Variants in RAB2A observed in about 807,000 individuals in gnomAD.
RAB2A encodes RAB2A, member RAS oncogene family.
Under a neutral mutation model 32.5 loss-of-function variants are expected in RAB2A, and 7 were observed. The ratio of observed to expected loss-of-function variants is 0.22; its 90% CI spans 0.12 to 0.40. The LOEUF (loss-of-function observed/expected upper bound fraction) is 0.40. Among genes scored for constraint, RAB2A ranks in the 10% least tolerant of loss-of-function variants. RAB2A has a pLI of 1.00. For synonymous variants in RAB2A, 79 were observed against 85.2 expected (o/e 0.93, Z 0.40); for missense variants, 108 against 260.7 (o/e 0.41, Z 4.03).
chr8:60,610,149 A>G (rs995267877), intron 6 of RAB2A, among the ~76,000 whole-genome samples: 6 of 152,094 alleles, frequency 3.9e-5, no homozygotes, highest in Non-Finnish European at 8.8e-5. Context: ...ATGCTGCTGA[A>G]GTATTTATGC....
intron 6 of RAB2A, among the ~76,000 whole-genome samples, chr8:60,598,190 T>C (rs1222135930): frequency 6.6e-6 from 1 of 152,164 alleles, no homozygotes; most frequent in African/African-American, 2.4e-5. Context: ...AGAGTGAAAC[T>C]ACGTCTCACA....
chr8:60,565,907 G>T (rs1342092495), intron 2 of RAB2A, among the ~76,000 whole-genome samples: 1 of 151,614 alleles, frequency 6.6e-6, no homozygotes, highest in Admixed American at 6.6e-5. Context: ...TAGAGATGGG[G>T]TTTCACTATG....
intron 3 of RAB2A, chr8:60,576,355 T>A: frequency 4.6e-6 from 2 of 435,630 alleles, no homozygotes; most frequent in East Asian, 7.3e-5. Context: ...GCTCTTGTTC[T>A]TTTTCTCTTA....
chr8:60,518,596 C>CAAAAAAAAAA (rs59503766), intron 1 of RAB2A, among the ~76,000 whole-genome samples: 1 of 45,518 alleles, frequency 2.2e-5, no homozygotes, highest in African/African-American at 6.8e-5. Context: ...GTGGAGTTTG[C>CAAAAAAAAAA]AAAAAAAAAA....
At chr8:60,575,204 T>C (rs1808254323) in intron 3 of RAB2A, among the ~76,000 whole-genome samples, 1 of 147,580 alleles carries the variant, frequency 6.8e-6, no homozygotes, top group Admixed American at 6.9e-5. Flanking sequence ...CCTCAAGCAA[T>C]CCTCCCACGT....
chr8:60,615,269 A>G (rs770623824), intron 6 of RAB2A, among the ~76,000 whole-genome samples: 9 of 152,166 alleles, frequency 5.9e-5, no homozygotes, highest in African/African-American at 1.2e-4. Context: ...TACCTATGCT[A>G]TTTTAGGTAT....
At chr8:60,584,438 T>C (rs1414430360) in intron 4 of RAB2A, 148 bp downstream of exon 4, 2 of 669,982 alleles carry the variant, frequency 3.0e-6, no homozygotes, top group Non-Finnish European at 5.1e-6. Context: ...TTAAATTTAC[T>C]ACAGAAACCT....
chr8:60,600,274 T>A (rs1804111327), intron 6 of RAB2A, among the ~76,000 whole-genome samples: 1 of 152,120 alleles, frequency 6.6e-6, no homozygotes. Context: ...GGAGGATCAC[T>A]TGTGCCCAGG....
intron 2 of RAB2A, among the ~76,000 whole-genome samples, chr8:60,567,241 G>A (rs143056960): frequency 3.3e-5 from 5 of 151,230 alleles, no homozygotes; most frequent in African/African-American, 1.2e-4. Context: ...TCAGCCTCCC[G>A]AGTAGCTGGA....
At chr8:60,569,047 CA>C (rs1356240358) in intron 2 of RAB2A, among the ~76,000 whole-genome samples, 1 of 152,078 alleles carries the variant, frequency 6.6e-6, no homozygotes, top group Non-Finnish European at 1.5e-5. Context: ...TCATTTGCCA[CA>C]TAGAATTAAA....
intron 4 of RAB2A, among the ~76,000 whole-genome samples, 163 bp from the exon 5 acceptor site, chr8:60,584,560 A>G (rs190397909): frequency 9.6e-4 from 146 of 152,360 alleles, no homozygotes; most frequent in African/African-American, 3.4e-3. Flanking sequence ...ATAAACTGAA[A>G]TACAATCAGT....
intron 1 of RAB2A, among the ~76,000 whole-genome samples, chr8:60,547,652 G>A (rs1237805322): frequency 2.4e-5 from 3 of 122,770 alleles, no homozygotes; most frequent in African/African-American, 8.7e-5. Context: ...CCAGGCGGGG[G>A]GCTGACCCCC....
At chr8:60,584,935 C>G (rs140553474) in intron 5 of RAB2A, 120 bp downstream of exon 5, 1 of 641,710 alleles carries the variant, frequency 1.6e-6, no homozygotes, top group Non-Finnish European at 2.4e-6. Context: ...TATAAAATTT[C>G]GGAAATTCTA....
chr8:60,578,711 G>A (rs144279519), intron 3 of RAB2A, among the ~76,000 whole-genome samples: 22 of 152,330 alleles, frequency 1.4e-4, no homozygotes, highest in Non-Finnish European at 2.2e-4. Context: ...AGAAGAGGAA[G>A]AAGAGGTGAA....
At chr8:60,589,915 G>A (rs1279200427) in intron 5 of RAB2A, among the ~76,000 whole-genome samples, 3 of 151,950 alleles carry the variant, frequency 2.0e-5, no homozygotes, top group African/African-American at 7.3e-5. Context: ...AACAGTAGAT[G>A]GAACTTATGT....
intron 1 of RAB2A, among the ~76,000 whole-genome samples, chr8:60,553,750 A>G (rs990906449): frequency 2.0e-5 from 3 of 152,210 alleles, no homozygotes; most frequent in East Asian, 1.9e-4. Flanking sequence ...TTTGAGGCAT[A>G]TATAAAGTAT....
At position 60,558,869 on chromosome 8, in the gene RAB2A, T is replaced by C. The variant is rs1363155553; in HGVS notation, c.64T>C (p.Leu22=). ...IGDTGVGKSC[L]LLQFTDKRFQ... is the part of the protein sequence containing the mutation. ...ACTTTCAGGTGTTGGTAAATCATGCTTATTGCTACAGTTTACAGACAAGAG... is the reference window on the plus strand; with the variant it reads ...ACTTTCAGGTGTTGGTAAATCATGCCTATTGCTACAGTTTACAGACAAGAG... The change falls in exon 2 of 8, where the codon TTA becomes CTA. Residue 22 remains leucine, a synonymous_variant. Transcript: ENST00000262646. The C allele has an allele frequency of 6.2e-7, 1 of 1,613,042 alleles. No homozygotes were observed. Among genetic ancestry groups the C allele is most frequent in the Non-Finnish European group, 8.5e-7 (1 of 1,179,218 alleles).
At chr8:60,601,394 T>G (rs966479553) in intron 6 of RAB2A, among the ~76,000 whole-genome samples, 3 of 152,100 alleles carry the variant, frequency 2.0e-5, no homozygotes, top group African/African-American at 7.2e-5. Flanking sequence ...TGGGAATGCA[T>G]TGGCACAATC....
At chr8:60,576,218 T>C (rs1489957108) in intron 3 of RAB2A, 3 of 456,300 alleles carry the variant, frequency 6.6e-6, no homozygotes, top group South Asian at 3.1e-5. Context: ...AAACTGTAAA[T>C]ATTCTTTTCT....
Sources: gnomAD v4.1 joint callset for allele counts (sites outside exome capture counted in the v4.1 genomes callset) on GRCh38, gnomAD v4.1.1 for gene constraint, MANE v1.5 for transcripts, NCBI Gene and HGNC (gene_info 2026-07-23, HGNC 2026-07-21) for gene names.